The following ESPNL variants were observed in gnomAD, a reference collection of about 807,000 sequenced individuals.
The protein encoded by ESPNL is espin-like protein.
In ESPNL, 49 loss-of-function variants were observed where a neutral mutation model predicts 46.8. The ratio of observed to expected loss-of-function variants is 1.05; its 90% CI spans 0.83 to 1.33. ESPNL has a LOEUF of 1.33. ESPNL is among the 40% of genes most tolerant of loss of function. ESPNL has a pLI of 0.00. For synonymous variants in ESPNL, 664 were observed against 662.1 expected, an observed-to-expected ratio of 1.00 and a Z score of -0.04; for missense variants, 1,540 against 1,436.6, an observed-to-expected ratio of 1.07 and a Z score of -1.16.
chr2:238,130,349 G>C lies in ESPNL; in HGVS notation c.1635G>C (p.Leu545=). The change falls in exon 9 of 9, where the codon CTG becomes CTC. Residue 545 remains leucine (L), a synonymous_variant. Transcript: ENST00000343063. ...TGCAGGCCCTGCTGCCCGAGCCCCT[G>C]GTCAGCATCACGGTCAACAGCCACT... ...AELQALLPEP[L]VSITVNSHFL... is the part of the protein sequence containing the mutation. The C allele has an allele frequency of 6.2e-7, 1 of 1,609,930 alleles. No individual in the cohort carries two copies. The highest frequency in any genetic ancestry group is 8.5e-7 in the Non-Finnish European group (1 of 1,178,812).
Position 238,125,256 on chromosome 2 carries a change from C to T in ESPNL, c.988-14C>T, listed in dbSNP as rs1285204851. The T allele has an allele frequency of 1.3e-5, 18 of 1,392,898 alleles. No homozygotes were observed. The highest frequency in any genetic ancestry group is 1.7e-5 in the Non-Finnish European group (17 of 1,028,354). 86.3% of individuals were successfully genotyped at this position (1,392,898 alleles called of 1,614,324 possible). On this transcript the variant is annotated splice_polypyrimidine_tract_variant and intron_variant, in intron 5 of 8. Transcript: ENST00000343063. Reference sequence around the variant, plus strand: ...CACGGGGGTCCCCCACTGACCAGGCCCATTCACCCACAGGTGCCCCTGCTG... The same window carrying T: ...CACGGGGGTCCCCCACTGACCAGGCTCATTCACCCACAGGTGCCCCTGCTG...
rs768765519 is a variant in ESPNL, at chr2:238,101,996, C to CA, written c.351dup (p.Val118SerfsTer80). 2.5e-6 allele frequency: 4 copies of CA among 1,610,548 alleles called. No individual in the cohort carries two copies. The East Asian group carries it at 8.9e-5, about 36-fold the overall frequency. ...CACCTGGCCGCCCGTTTTGGACACC[C>CA]AGTGCTGGTGGAGTGGCTGCTCCAC... On this transcript the variant is annotated frameshift_variant, in exon 2 of 9. Transcript: ENST00000343063. LOFTEE classifies it high-confidence loss of function.
chr2:238,107,990 G>T lies in ESPNL; in HGVS notation c.855+17G>T. ...CAGATGGAGGTAAGGTGGGCGTGAG[G>T]GAGACAGGGTGAGCAGTCACAAGTG... On this transcript the variant is annotated intron_variant, in intron 4 of 8. Transcript: ENST00000343063. 1 of 1,599,844 alleles carries T rather than the reference G, an allele frequency of 6.3e-7. No homozygotes were observed.
Position 238,130,593 on chromosome 2 carries a change from G to T in ESPNL, c.1879G>T (p.Asp627Tyr). The T allele has an allele frequency of 5.7e-6, 9 of 1,569,918 alleles. No homozygotes were observed. The highest frequency in any genetic ancestry group is 7.8e-6 in the Non-Finnish European group (9 of 1,157,638). ...GAAGCCATCCACCCGGCCCCTGCAG[G>T]ACACCTGCAGGGAGGCCTCGGCCAG... Reference protein sequence around the residue: ...DEKPSTRPLQDTCREASASPP... With the variant: ...DEKPSTRPLQYTCREASASPP... The change falls in exon 9 of 9, where the codon GAC (aspartate) becomes TAC (tyrosine). Residue 627 changes from aspartate (D) to tyrosine (Y), a missense_variant. Coordinates refer to ENST00000343063, the MANE Select transcript of ESPNL (RefSeq NM_194312.4).
intron 5 of ESPNL, among the ~76,000 whole-genome samples, chr2:238,119,389 C>G (rs62642783): frequency 0.99 from 118,803 of 119,696 alleles, 58,968 homozygotes; most frequent in Admixed American, 0.99. Context: ...GAGTTGGATG[C>G]AGGAGGTGGA....
At chr2:238,126,472 CTG>C (rs1196113029) in intron 6 of ESPNL, among the ~76,000 whole-genome samples, 2 of 147,982 alleles carry the variant, frequency 1.4e-5, no homozygotes, top group South Asian at 2.1e-4. Context: ...TTGTGTGTAT[CTG>C]TGTGATTGTG....
intron 3 of ESPNL, among the ~76,000 whole-genome samples, chr2:238,106,631 C>G (rs1359372065): frequency 6.6e-6 from 1 of 152,248 alleles, no homozygotes; most frequent in African/African-American, 2.4e-5. Flanking sequence ...CCCATTCACT[C>G]CAGACCTCAG....
At position 238,114,499 on chromosome 2, in the gene ESPNL, C is replaced by T. The variant is rs1480082229; in HGVS notation, c.856-2404C>T. ...GAGCCTCCGGGAGCAGTGCCTCTCT[C>T]CAGCGACTGGCTTCAGCGACCTGCC... On this transcript the variant is annotated intron_variant, in intron 4 of 8. Coordinates refer to ENST00000343063, the MANE Select transcript of ESPNL (RefSeq NM_194312.4). The surrounding 1 kb of genome is among the most constrained non-coding windows in gnomAD (Gnocchi z 5.0). Among the ~76,000 whole-genome samples the T allele has an allele frequency of 1.3e-5, 2 of 152,174 alleles. No individual in the cohort carries two copies. Among genetic ancestry groups the T allele is most frequent in the African/African-American group, 2.4e-5 (1 of 41,428 alleles).
chr2:238,102,219 C>T (rs1691502539), intron 2 of ESPNL, 88 bp downstream of exon 2: 3 of 1,221,224 alleles, frequency 2.5e-6, no homozygotes, highest in Middle Eastern at 5.6e-4. Flanking sequence ...AGAGGACAGG[C>T]TGGTGGCCTT....
At chr2:238,121,077 G>T (rs960402007) in intron 5 of ESPNL, among the ~76,000 whole-genome samples, 12 of 152,290 alleles carry the variant, frequency 7.9e-5, no homozygotes, top group African/African-American at 2.9e-4. Flanking sequence ...CCCAGCTCGG[G>T]CTCTGCTCAG....
At position 238,129,107 on chromosome 2, in the gene ESPNL, G is replaced by A; in HGVS notation, c.1413+203G>A. Reference sequence around the variant, plus strand: ...TGAGCAGAGCCCCTTCACCTGCTCTGGAGGCATGGGTCCCACGTATCCTTC... The same window carrying A: ...TGAGCAGAGCCCCTTCACCTGCTCTAGAGGCATGGGTCCCACGTATCCTTC... On this transcript the variant is annotated intron_variant, in intron 8 of 8. Coordinates refer to ENST00000343063, the MANE Select transcript of ESPNL (RefSeq NM_194312.4). 4.2e-6 allele frequency: 6 copies of A among 1,417,216 alleles called. No homozygotes were observed. In the South Asian group the frequency reaches 9.4e-5, roughly 22 times the overall value. 87.8% of individuals were successfully genotyped at this position (1,417,216 alleles called of 1,614,324 possible). A position where few individuals can be genotyped will look rare whatever the true frequency, so the allele number is the denominator to read the frequency against.
intron 4 of ESPNL, among the ~76,000 whole-genome samples, chr2:238,113,801 G>C (rs753638108): frequency 6.6e-6 from 1 of 152,142 alleles, no homozygotes; most frequent in South Asian, 2.1e-4. Context: ...GATGGAACCC[G>C]CACGGTTCCT....
At chr2:238,107,445 CT>C (rs1420418594) in intron 3 of ESPNL, among the ~76,000 whole-genome samples, 1 of 152,074 alleles carries the variant, frequency 6.6e-6, no homozygotes, top group Non-Finnish European at 1.5e-5. Flanking sequence ...CTCCCCGCCC[CT>C]CCCTCCCTTC....
intron 5 of ESPNL, among the ~76,000 whole-genome samples, chr2:238,123,086 G>A (rs950327797): frequency 3.3e-5 from 5 of 152,178 alleles, no homozygotes; most frequent in African/African-American, 9.7e-5. Context: ...GGGTCCCGAT[G>A]GCAGCTGTGC....
At chr2:238,104,927 C>T (rs1390016036) in intron 3 of ESPNL, 85 bp downstream of exon 3, 2 of 1,223,986 alleles carry the variant, frequency 1.6e-6, no homozygotes, top group Non-Finnish European at 2.2e-6. Context: ...GATGGGGGCT[C>T]CAGAGGGAAC....
chr2:238,115,267 G>C (rs1220948821), intron 4 of ESPNL, among the ~76,000 whole-genome samples: 1 of 152,254 alleles, frequency 6.6e-6, no homozygotes, highest in African/African-American at 2.4e-5. Context: ...AGGAGGGAGG[G>C]GAAGGAAGCC....
At position 238,100,369 on chromosome 2, in the gene ESPNL, C is replaced by T. The variant is rs1278411045; in HGVS notation, c.-51C>T. On this transcript the variant is annotated 5_prime_UTR_variant, in exon 1 of 9. Coordinates refer to ENST00000343063, the MANE Select transcript of ESPNL (RefSeq NM_194312.4). Reference sequence around the variant, plus strand: ...CCGGCAGCTTCATCCACGTCTGAAACAGGAAGCCCCAGCCTGTGCATGAGT... The same window carrying T: ...CCGGCAGCTTCATCCACGTCTGAAATAGGAAGCCCCAGCCTGTGCATGAGT... 7.8e-7 allele frequency: 1 copy of T among 1,288,886 alleles called. No individual in the cohort carries two copies. Among genetic ancestry groups the T allele is most frequent in the South Asian group, 1.3e-5 (1 of 76,024 alleles). 79.8% of individuals were successfully genotyped at this position (1,288,886 alleles called of 1,614,324 possible). A position where few individuals can be genotyped will look rare whatever the true frequency, so the allele number is the denominator to read the frequency against.
At chr2:238,105,911 C>G (rs1023777232) in intron 3 of ESPNL, among the ~76,000 whole-genome samples, 1 of 152,114 alleles carries the variant, frequency 6.6e-6, no homozygotes, top group Non-Finnish European at 1.5e-5. Flanking sequence ...AGCTCCTTCT[C>G]CAGCAAGCCA....
chr2:238,120,606 C>T (rs1691965400), intron 5 of ESPNL, among the ~76,000 whole-genome samples: 1 of 152,266 alleles, frequency 6.6e-6, no homozygotes, highest in South Asian at 2.1e-4. Context: ...CGCATGAAAA[C>T]CCAACCCCGG....
Sources: gnomAD v4.1 joint callset for allele counts (sites outside exome capture counted in the v4.1 genomes callset) on GRCh38, gnomAD v4.1.1 for gene constraint, Gnocchi (gnomAD v3.1) non-coding constraint, MANE v1.5 for transcripts, NCBI Gene and HGNC (gene_info 2026-07-23, HGNC 2026-07-21) for gene names.